The following SCN10A variants were observed in gnomAD, a reference collection of about 807,000 sequenced individuals.
SCN10A encodes sodium voltage-gated channel alpha subunit 10, also known as sodium channel protein type 10 subunit alpha.
In SCN10A, 162 loss-of-function variants were observed where a neutral mutation model predicts 170.7. The ratio of observed to expected loss-of-function variants is 0.95; its 90% CI spans 0.84 to 1.08. The LOEUF is 1.08. Among genes scored for constraint, SCN10A ranks in the 50% least tolerant of loss-of-function variants. SCN10A has a pLI of 0.00. For missense variants in SCN10A, 2,527 were observed against 2,436.9 expected (o/e 1.04, Z -0.78); for synonymous variants, 985 against 904.6 (o/e 1.09, Z -1.59).
intron 4 of SCN10A, among the ~76,000 whole-genome samples, chr3:38,775,938 T>G (rs925442408): frequency 6.6e-6 from 1 of 152,140 alleles, no homozygotes; most frequent in African/African-American, 2.4e-5. Context: ...TTTTGTTGTC[T>G]TCTCAACCTT....
At chr3:38,704,279 C>T (rs1380442084) in intron 26 of SCN10A, among the ~76,000 whole-genome samples, 2 of 152,210 alleles carry the variant, frequency 1.3e-5, no homozygotes, top group Non-Finnish European at 2.9e-5. Context: ...GAACTGCTGG[C>T]TCACATCTTT....
At chr3:38,745,885 C>T (rs986264633) in intron 13 of SCN10A, among the ~76,000 whole-genome samples, 4 of 151,522 alleles carry the variant, frequency 2.6e-5, no homozygotes, top group African/African-American at 7.3e-5. Context: ...CTGCTGGGTC[C>T]ATCTCTTCTG....
chr3:38,744,637 T>C (rs2063668610), intron 13 of SCN10A, among the ~76,000 whole-genome samples: 1 of 152,180 alleles, frequency 6.6e-6, no homozygotes, highest in African/African-American at 2.4e-5. Flanking sequence ...GTTTTTTTCT[T>C]TCTTTTGTAG....
chr3:38,766,905 C>T (rs114191117), intron 5 of SCN10A, among the ~76,000 whole-genome samples: 2,565 of 152,128 alleles, frequency 0.017, 37 homozygotes, highest in Non-Finnish European at 0.025. Context: ...TTCAATCTCG[C>T]TACTTGTTAT....
rs2063641999 is a variant in SCN10A at position 38,742,351 on chromosome 3, C to T, written c.2046G>A (p.Met682Ile). The part of the protein sequence containing the change: ...TLCIVVNTIF[M>I]AMEHHGMSPT... ...GGCTCATGCCATGGTGCTCCATGGC[C>T]ATGAAGATGGTGTTCACCACGATGC... Residue 682 changes from methionine to isoleucine, a missense_variant, in exon 14 of 28, where the codon ATG (methionine) becomes ATA (isoleucine). Physicochemically the swap from Met to Ile is conservative, Grantham distance 10 (BLOSUM62 1). Transcript: ENST00000449082. 9 of 1,614,052 alleles carry T rather than the reference C, an allele frequency of 5.6e-6. 1 individual carries two copies. The East Asian group carries it at 2.0e-4, about 36-fold the overall frequency.
In SCN10A at chr3:38,771,415, G is replaced by A; in HGVS notation, c.471-8C>T. On this transcript the variant is annotated splice_polypyrimidine_tract_variant and splice_region_variant and intron_variant, in intron 4 of 27. Transcript: ENST00000449082. ...ATGACAGTGAAGACATATCTGGGAAGGAGGGTAGAAAAGGAGTGTCAACTG... is the reference window on the plus strand; with the variant it reads ...ATGACAGTGAAGACATATCTGGGAAAGAGGGTAGAAAAGGAGTGTCAACTG... The A allele has an allele frequency of 6.2e-7, 1 of 1,613,420 alleles. No homozygotes were observed. Among genetic ancestry groups the A allele is most frequent in the Non-Finnish European group, 8.5e-7 (1 of 1,179,592 alleles).
intron 5 of SCN10A, among the ~76,000 whole-genome samples, chr3:38,764,895 C>A (rs891750991): frequency 6.6e-6 from 1 of 152,048 alleles, no homozygotes; most frequent in African/African-American, 2.4e-5. Context: ...TTGGTTATGG[C>A]CATTCTTGCA....
intron 25 of SCN10A, 69 bp from the exon 26 acceptor site, chr3:38,707,452 A>C: frequency 6.7e-7 from 1 of 1,490,062 alleles, no homozygotes; most frequent in Admixed American, 1.7e-5. Context: ...CAGAACAGGC[A>C]GGAGAGAAAG....
chr3:38,753,466 A>G (rs1173413947), intron 11 of SCN10A, among the ~76,000 whole-genome samples: 2 of 152,148 alleles, frequency 1.3e-5, no homozygotes, highest in Non-Finnish European at 1.5e-5. Flanking sequence ...AATCTTGCCA[A>G]TTGGGGTTCT....
rs1294063610 is a variant in SCN10A at position 38,709,492 on chromosome 3, G to T, written c.4267C>A (p.Gln1423Lys). ...FVGVIIDNFNQQKKKLGGQDI... is the reference protein window; with the variant it reads ...FVGVIIDNFNKQKKKLGGQDI... ...GCACCACTTATCTTTTTTTTCTGTT[G>T]ATTGAAGTTGTCAATTATGACCCCA... The change falls in exon 25 of 28, where the codon CAA becomes AAA. Residue 1423 changes from glutamine (Q) to lysine (K), a missense_variant. Coordinates refer to ENST00000449082, the MANE Select transcript of SCN10A (RefSeq NM_006514.4). The T allele has an allele frequency of 4.4e-6, 7 of 1,605,008 alleles. No homozygotes were observed. Among genetic ancestry groups the T allele is most frequent in the Admixed American group, 3.5e-5 (2 of 57,558 alleles).
intron 4 of SCN10A, among the ~76,000 whole-genome samples, chr3:38,785,236 A>G (rs905038799): frequency 1.3e-5 from 2 of 152,234 alleles, no homozygotes; most frequent in Non-Finnish European, 2.9e-5. Flanking sequence ...AAGCTATACT[A>G]CAAAGCTACA....
At chr3:38,718,496 G>T (rs553450279) in intron 21 of SCN10A, among the ~76,000 whole-genome samples, 157 bp downstream of exon 21, 1 of 152,278 alleles carries the variant, frequency 6.6e-6, no homozygotes, top group Admixed American at 6.5e-5. Flanking sequence ...ACCACTCATG[G>T]GTGTCAGGGC....
At chr3:38,757,474 G>A (rs1186711070) in intron 8 of SCN10A, among the ~76,000 whole-genome samples, 2 of 152,166 alleles carry the variant, frequency 1.3e-5, no homozygotes, top group African/African-American at 4.8e-5. Flanking sequence ...TAGCAATAAC[G>A]CAGACTTAAA....
chr3:38,738,816 G>A (rs2063598030), intron 15 of SCN10A, among the ~76,000 whole-genome samples: 1 of 152,194 alleles, frequency 6.6e-6, no homozygotes, highest in Non-Finnish European at 1.5e-5. Flanking sequence ...ATAAAAGTGG[G>A]TGGCCTGTGG....
intron 20 of SCN10A, among the ~76,000 whole-genome samples, chr3:38,721,760 G>T (rs1020868639): frequency 1.3e-5 from 2 of 152,214 alleles, no homozygotes; most frequent in African/African-American, 4.8e-5. Flanking sequence ...AAGTGCTATT[G>T]TAATGATTTT....
At chr3:38,777,718 G>A (rs1306830129) in intron 4 of SCN10A, among the ~76,000 whole-genome samples, 2 of 152,048 alleles carry the variant, frequency 1.3e-5, no homozygotes, top group Non-Finnish European at 2.9e-5. Flanking sequence ...AAATCCACGT[G>A]GTGTTGACTC....
chr3:38,773,242 G>A (rs2064030842), intron 4 of SCN10A, among the ~76,000 whole-genome samples: 2 of 152,118 alleles, frequency 1.3e-5, no homozygotes, highest in South Asian at 4.1e-4. Flanking sequence ...TGAGGCAGGA[G>A]GATCACTTGA....
chr3:38,816,022 G>T lies in SCN10A; in HGVS notation c.-33+15C>A, dbSNP rs1187339744. 2.6e-5 allele frequency: 4 copies of T among 152,208 alleles called. No individual in the cohort carries two copies. The highest frequency in any genetic ancestry group is 9.7e-5 in the African/African-American group (4 of 41,440). The allele number at this position is 152,208 out of a possible 1,614,324, so 9.4% of individuals were successfully genotyped here. ...ACACTGTTAGCCACAGACTAACAAA[G>T]TCGCACAGCCAAACCTTTGCTGCTC... On this transcript the variant is annotated intron_variant, in intron 1 of 27. Transcript: ENST00000449082.
chr3:38,811,708 G>A (rs758864862), intron 1 of SCN10A, among the ~76,000 whole-genome samples: 1 of 152,116 alleles, frequency 6.6e-6, no homozygotes, highest in African/African-American at 2.4e-5. Flanking sequence ...CTAGGTAATG[G>A]ATCTTGCCTG....
Sources: allele counts gnomAD v4.1 joint callset (sites outside exome capture counted in the v4.1 genomes callset), GRCh38; gene constraint gnomAD v4.1.1; transcripts MANE v1.5; gene names NCBI Gene and HGNC (gene_info 2026-07-23, HGNC 2026-07-21).